CHUK: variants seen among roughly 807,000 people sequenced by gnomAD.
CHUK encodes the protein inhibitor of nuclear factor kappa-B kinase subunit alpha.
In CHUK, 35 loss-of-function variants were observed where a neutral mutation model predicts 104.8. The observed-to-expected ratio is 0.33, with a 90% CI of 0.26 to 0.44. The LOEUF is 0.44. Among genes scored for constraint, CHUK ranks in the 20% least tolerant of loss-of-function variants. CHUK has a pLI of 1.00. For synonymous variants in CHUK, 276 were observed against 291.9 expected (o/e 0.95, Z 0.56); for missense variants, 663 against 902.7 (o/e 0.73, Z 3.40).
intron 16 of CHUK, among the ~76,000 whole-genome samples, chr10:100,199,357 C>T (rs1564831633): frequency 1.3e-5 from 2 of 152,142 alleles, no homozygotes; most frequent in African/African-American, 4.8e-5. Context: ...GACAGAATCT[C>T]GCTCTGTCAC....
At chr10:100,193,229 C>G in intron 19 of CHUK, 69 bp downstream of exon 19, 3 of 1,552,716 alleles carry the variant, frequency 1.9e-6, no homozygotes, top group Non-Finnish European at 2.7e-6. Context: ...ACTACCTTAA[C>G]AACTACTGCC....
chr10:100,204,633 A>G lies in CHUK; in HGVS notation c.1380T>C (p.Ala460=), dbSNP rs1215991829. The change falls in exon 13 of 21, where the codon GCT becomes GCC. Residue 460 remains alanine (A), a synonymous_variant. Coordinates refer to ENST00000370397, the MANE Select transcript of CHUK (RefSeq NM_001278.5). ...AAMLSLLRYN[A]NLTKMKNTLI... is the part of the protein sequence containing the mutation. ...AAGTGTTCTTCATTTTTGTTAAGTT[A>G]GCATTATATCTAAGAAGACTTAACC... 6.2e-7 allele frequency: 1 copy of G among 1,611,942 alleles called. No homozygotes were observed. Among genetic ancestry groups the G allele is most frequent in the Admixed American group, 1.7e-5 (1 of 60,014 alleles).
rs767457318 is a variant in CHUK, at chr10:100,204,527, C to T, written c.1486G>A (p.Glu496Lys). 3 of 1,613,458 alleles carry T rather than the reference C, an allele frequency of 1.9e-6. No individual in the cohort carries two copies. The highest frequency in any genetic ancestry group is 1.3e-5 in the African/African-American group (1 of 74,878). Reference sequence around the variant, plus strand: ...TTACATATCCCATACGTCATCTGCTCGCTGTATCTCTCCAAGTCAAGCTGA... The same window carrying T: ...TTACATATCCCATACGTCATCTGCTTGCTGTATCTCTCCAAGTCAAGCTGA... ...SIQLDLERYS[E>K]QMTYGISSEK... Residue 496 changes from glutamate to lysine, a missense_variant, in exon 13 of 21, where the codon GAG (glutamate) becomes AAG (lysine). By Grantham distance (56) the Glu-to-Lys change is moderately conservative. Transcript: ENST00000370397.
chr10:100,209,605 A>C lies in CHUK; in HGVS notation c.1118T>G (p.Leu373Arg), dbSNP rs752332329. The C allele has an allele frequency of 6.3e-7, 1 of 1,595,992 alleles. No individual in the cohort carries two copies. The highest frequency in any genetic ancestry group is 8.6e-7 in the Non-Finnish European group (1 of 1,163,574). Residue 373 changes from leucine to arginine, a missense_variant, in exon 10 of 21, where the codon CTA becomes CGA. Leu to Arg is a moderately radical substitution (Grantham distance 102). Around this residue, in one of 5 missense-constraint regions of CHUK, gnomAD observed 93 missense variants for 95.9 expected, o/e 0.97. Transcript: ENST00000370397. Reference protein sequence around the residue: ...DPRKPASQCVLDGVRGCDSYM... With the variant: ...DPRKPASQCVRDGVRGCDSYM... ...AATTAATTTTCTTACAACTCCATCT[A>C]GAACACATTGAGAGGCTGGTTTCCG...
rs544919468 is a variant in CHUK, at chr10:100,188,594, T to A, written c.*1004A>T. 1.3e-5 allele frequency: 2 copies of A among 152,676 alleles called. No individual in the cohort carries two copies. Among genetic ancestry groups the A allele is most frequent in the East Asian group, 3.9e-4 (2 of 5,172 alleles). The allele number at this position is 152,676 out of a possible 1,614,324, so 9.5% of individuals were successfully genotyped here. A position where few individuals can be genotyped will look rare whatever the true frequency, so the allele number is the denominator to read the frequency against. On this transcript the variant is annotated 3_prime_UTR_variant, in exon 21 of 21. Coordinates refer to ENST00000370397, the MANE Select transcript of CHUK (RefSeq NM_001278.5). Reference sequence around the variant, plus strand: ...CTACATTAACCAGCCCTCACCACAGTCTGTGGCAGCAGCCCTCCCTCTCAT... The same window carrying A: ...CTACATTAACCAGCCCTCACCACAGACTGTGGCAGCAGCCCTCCCTCTCAT...
At chr10:100,189,911 A>G (rs1433630884) in intron 20 of CHUK, 7 of 358,356 alleles carry the variant, frequency 2.0e-5, no homozygotes, top group Admixed American at 8.5e-5. Context: ...CACAAGTCCA[A>G]TCATAATGCA....
chr10:100,228,985 G>A (rs1401456062), intron 1 of CHUK, among the ~76,000 whole-genome samples: 3 of 86,998 alleles, frequency 3.4e-5, no homozygotes, highest in Admixed American at 1.3e-4. Flanking sequence ...AAGCGCGCGC[G>A]CGCGCGCGCA....
rs555509628 is a variant in CHUK, at chr10:100,188,379, C to T, written c.*1219G>A. 1.2e-3 allele frequency: 186 copies of T among 152,468 alleles called. No individual in the cohort carries two copies. Among genetic ancestry groups the T allele is most frequent in the Non-Finnish European group, 2.3e-3 (159 of 67,960 alleles). 9.4% of individuals were successfully genotyped at this position (152,468 alleles called of 1,614,324 possible). A position where few individuals can be genotyped will look rare whatever the true frequency, so the allele number is the denominator to read the frequency against. On this transcript the variant is annotated 3_prime_UTR_variant, in exon 21 of 21. Transcript: ENST00000370397. ...GAGATCAAGAAAGTAATTTAAAAAC[C>T]ATTTAATACACAAAGTGAAAAACTA...
chr10:100,208,033 C>G (rs1377448183), intron 10 of CHUK, among the ~76,000 whole-genome samples: 1 of 152,094 alleles, frequency 6.6e-6, no homozygotes, highest in African/African-American at 2.4e-5. Flanking sequence ...TTTTACCACC[C>G]ATTTATCCTT....
rs113851273 is a variant in CHUK, at chr10:100,218,982, T to A, written c.689+26A>T. ...AAAAAATTTCCATTCCCATTAAGCATGCCCAAGTTCTCATCCATTTCTTAC... is the reference window on the plus strand; with the variant it reads ...AAAAAATTTCCATTCCCATTAAGCAAGCCCAAGTTCTCATCCATTTCTTAC... On this transcript the variant is annotated intron_variant, in intron 7 of 20. Coordinates refer to ENST00000370397, the MANE Select transcript of CHUK (RefSeq NM_001278.5). 2.5e-6 allele frequency: 4 copies of A among 1,613,886 alleles called. No homozygotes were observed. In the South Asian group the frequency reaches 3.3e-5, roughly 13 times the overall value.
chr10:100,211,749 C>T (rs994452633), intron 9 of CHUK, among the ~76,000 whole-genome samples: 1 of 152,208 alleles, frequency 6.6e-6, no homozygotes, highest in African/African-American at 2.4e-5. Flanking sequence ...GACATTTAGG[C>T]TATTTCCAGA....
intron 13 of CHUK, among the ~76,000 whole-genome samples, chr10:100,202,515 C>A (rs1003891062): frequency 9.2e-5 from 14 of 152,172 alleles, no homozygotes; most frequent in African/African-American, 3.4e-4. Context: ...GCTAGCAGAC[C>A]ATAAGAAGCT....
chr10:100,200,334 G>A (rs766570053), intron 15 of CHUK, among the ~76,000 whole-genome samples: 1 of 152,058 alleles, frequency 6.6e-6, no homozygotes, highest in African/African-American at 2.4e-5. Context: ...CTTTAATTCA[G>A]AAAAAATTTC....
intron 18 of CHUK, chr10:100,193,680 A>T (rs1031709391): frequency 1.7e-6 from 1 of 600,358 alleles, no homozygotes; most frequent in South Asian, 2.0e-5. Flanking sequence ...GAAAAAAAAA[A>T]CCCAGTTGAA....
At chr10:100,218,255 A>G (rs1589595357) in intron 8 of CHUK, 125 bp from the exon 9 acceptor site, 2 of 835,548 alleles carry the variant, frequency 2.4e-6, no homozygotes, top group Non-Finnish European at 3.8e-6. Context: ...GTACCATTTC[A>G]TAAATTACTT....
In CHUK at chr10:100,219,433, G is replaced by A. The variant is rs1272093116; in HGVS notation, c.475-74C>T. 3.3e-5 allele frequency: 29 copies of A among 878,846 alleles called. No homozygotes were observed. In the African/African-American group the frequency reaches 4.0e-4, roughly 12 times the overall value. The allele number at this position is 878,846 out of a possible 1,614,324, so 54.4% of individuals were successfully genotyped here. A position where few individuals can be genotyped will look rare whatever the true frequency, so the allele number is the denominator to read the frequency against. ...AAAGGAAAGACAACAATATCCTTAC[G>A]AGGCTGTAGACAGGGTAGTGGTGAG... is the stretch of plus-strand genomic sequence containing the variant. On this transcript the variant is annotated intron_variant, in intron 5 of 20. Coordinates refer to ENST00000370397, the MANE Select transcript of CHUK (RefSeq NM_001278.5).
At position 100,193,434 on chromosome 10, in the gene CHUK, G is replaced by A. The variant is rs776675152; in HGVS notation, c.1975-3C>T. ...AGGGACCGGGCAGAACTCTGTGTCTGAAGGAAAAGAAAAAAACATCAAAAG... is the reference window on the plus strand; with the variant it reads ...AGGGACCGGGCAGAACTCTGTGTCTAAAGGAAAAGAAAAAAACATCAAAAG... On this transcript the variant is annotated splice_region_variant and splice_polypyrimidine_tract_variant and intron_variant, in intron 18 of 20. Transcript: ENST00000370397. 6.2e-7 allele frequency: 1 copy of A among 1,613,970 alleles called. No homozygotes were observed.
At chr10:100,202,727 T>C (rs1342303397) in intron 13 of CHUK, among the ~76,000 whole-genome samples, 1 of 152,136 alleles carries the variant, frequency 6.6e-6, no homozygotes, top group Non-Finnish European at 1.5e-5. Flanking sequence ...TATATATTTA[T>C]ACCAGTGTGC....
At position 100,203,241 on chromosome 10, in the gene CHUK, T is replaced by C. The variant is rs74453914; in HGVS notation, c.1508-1092A>G. On this transcript the variant is annotated intron_variant, in intron 13 of 20. Transcript: ENST00000370397. ...GAAAACATCTGTATACTCTTTATTT[T>C]TTCCCACAATTTAAAACTGTCAACT... 5.0e-3 allele frequency among the ~76,000 whole-genome samples: 754 copies of C among 152,256 alleles called. 18 individuals carry two copies. In the East Asian group the frequency reaches 0.059, roughly 12 times the overall value.
Sources: gnomAD v4.1 joint callset for allele counts (sites outside exome capture counted in the v4.1 genomes callset) on GRCh38, gnomAD v4.1.1 for gene constraint, gnomAD v4.1.1 regional missense constraint, MANE v1.5 for transcripts, NCBI Gene and HGNC (gene_info 2026-07-23, HGNC 2026-07-21) for gene names.